CHLSN: variants seen among roughly 807,000 people sequenced by gnomAD.
CHLSN encodes cholesin, also known as protein cholesin.
the CHLSN span, among the ~76,000 whole-genome samples, chr7:1,132,282 T>C: frequency 1.3e-5 from 2 of 152,220 alleles, no homozygotes; most frequent in Non-Finnish European, 2.9e-5. Context: ...GTGCAGTGGC[T>C]AATGCCTGTA....
chr7:1,119,507 G>C, the CHLSN span, among the ~76,000 whole-genome samples: 2 of 152,212 alleles, frequency 1.3e-5, no homozygotes, highest in African/African-American at 4.8e-5. Flanking sequence ...ATACCTGCAA[G>C]TGTACTTCCC....
the CHLSN span, among the ~76,000 whole-genome samples, chr7:1,133,952 G>A: frequency 6.6e-6 from 1 of 151,972 alleles, no homozygotes; most frequent in Admixed American, 6.6e-5. Context: ...CACTACAGGT[G>A]TACACCACCA....
the CHLSN span, among the ~76,000 whole-genome samples, chr7:1,059,708 T>C: frequency 0.026 from 96 of 3,742 alleles, no homozygotes; most frequent in East Asian, 0.048. Context: ...TGTAGTGAGG[T>C]GGGTCTTAGC....
chr7:1,103,109 G>A, the CHLSN span, among the ~76,000 whole-genome samples: 1 of 152,204 alleles, frequency 6.6e-6, no homozygotes, highest in South Asian at 2.1e-4. Context: ...CTCCTCCCTG[G>A]CAGCCCCGTC....
chr7:1,010,064 A>G, the CHLSN span: 1 of 1,612,524 alleles, frequency 6.2e-7, no homozygotes, highest in Non-Finnish European at 8.5e-7. Context: ...TTCCTTTTTC[A>G]GCTTCCTTTC....
the CHLSN span, among the ~76,000 whole-genome samples, chr7:1,125,880 C>T: frequency 1.3e-5 from 2 of 152,140 alleles, no homozygotes; most frequent in East Asian, 1.9e-4. Context: ...TGTGAAAATT[C>T]CTAATCTATT....
the CHLSN span, among the ~76,000 whole-genome samples, chr7:1,125,836 C>T: frequency 2.6e-5 from 4 of 152,182 alleles, no homozygotes; most frequent in Non-Finnish European, 5.9e-5. Context: ...ATGTGACGCG[C>T]GCGTCGTCAG....
At chr7:1,070,480 C>A in the CHLSN span, among the ~76,000 whole-genome samples, 1 of 151,952 alleles carries the variant, frequency 6.6e-6, no homozygotes. Context: ...CGCACATACG[C>A]ACACGGGCAC....
the CHLSN span, among the ~76,000 whole-genome samples, chr7:981,867 T>C: frequency 1.3e-5 from 2 of 151,878 alleles, no homozygotes; most frequent in African/African-American, 4.8e-5. Flanking sequence ...CATTTCTACA[T>C]AAATAAATAA....
chr7:1,095,355 C>T, the CHLSN span, among the ~76,000 whole-genome samples: 158 of 151,618 alleles, frequency 1.0e-3, 1 homozygote, highest in African/African-American at 3.7e-3. Flanking sequence ...CCCCCCTCCC[C>T]GACACCCGGG....
At chr7:1,009,768 C>T in the CHLSN span, among the ~76,000 whole-genome samples, 1 of 152,260 alleles carries the variant, frequency 6.6e-6, no homozygotes, top group Non-Finnish European at 1.5e-5. Flanking sequence ...CTGAAAGTTC[C>T]TGAAGGCTCT....
chr7:1,051,301 C>G, the CHLSN span, among the ~76,000 whole-genome samples: 1 of 152,252 alleles, frequency 6.6e-6, no homozygotes, highest in African/African-American at 2.4e-5. Context: ...CTAGGGTGCA[C>G]CTGGTGTCCA....
chr7:1,009,520 A>G, the CHLSN span, among the ~76,000 whole-genome samples: 1 of 152,158 alleles, frequency 6.6e-6, no homozygotes, highest in Non-Finnish European at 1.5e-5. Flanking sequence ...CCCTGTGCCC[A>G]GCACCCCACA....
At chr7:1,095,395 G>T in the CHLSN span, among the ~76,000 whole-genome samples, 61 of 151,390 alleles carry the variant, frequency 4.0e-4, no homozygotes, top group African/African-American at 1.3e-3. Context: ...ATGCTTCAAT[G>T]AAGCTCCCCT....
At chr7:1,092,175 C>G in the CHLSN span, 68 of 1,613,316 alleles carry the variant, frequency 4.2e-5, no homozygotes, top group Non-Finnish European at 5.5e-5. Context: ...TCTTCCTCAC[C>G]TGGATGAGCT....
At chr7:1,085,931 G>C in the CHLSN span, among the ~76,000 whole-genome samples, 6 of 152,284 alleles carry the variant, frequency 3.9e-5, no homozygotes, top group Non-Finnish European at 8.8e-5. Flanking sequence ...GTATTAAGTA[G>C]GTCTTGGAGA....
chr7:1,135,818 AAAAT>A, the CHLSN span, among the ~76,000 whole-genome samples: 23 of 141,438 alleles, frequency 1.6e-4, no homozygotes, highest in Middle Eastern at 3.6e-3. Flanking sequence ...TTATTTATAT[AAAAT>A]AAATATATAA....
At chr7:1,081,673 TGGAAGCCCCGACCCA>T in the CHLSN span, among the ~76,000 whole-genome samples, 1 of 144,780 alleles carries the variant, frequency 6.9e-6, no homozygotes, top group Non-Finnish European at 1.5e-5. Context: ...TCGAGGAACC[TGGAAGCCCCGACCCA>T]GACAAGGCGC....
chr7:1,007,024 C>T, the CHLSN span, among the ~76,000 whole-genome samples: 10 of 152,314 alleles, frequency 6.6e-5, no homozygotes, highest in East Asian at 1.2e-3. Context: ...GTTCTAGGGA[C>T]GGGGCATGAA....
Sources: allele counts gnomAD v4.1 joint callset (sites outside exome capture counted in the v4.1 genomes callset), GRCh38; gene constraint gnomAD v4.1.1; transcripts MANE v1.5; gene names NCBI Gene and HGNC (gene_info 2026-07-23, HGNC 2026-07-21).